CAMK1D: variants seen among roughly 807,000 people sequenced by gnomAD.
CAMK1D encodes the protein calcium/calmodulin-dependent protein kinase type 1D.
A neutral mutation model predicts 47.7 loss-of-function variants in CAMK1D; 9 were observed. The observed-to-expected ratio is 0.19, with a 90% CI of 0.11 to 0.33. CAMK1D has a LOEUF of 0.33. Among genes scored for constraint, CAMK1D ranks in the 10% least tolerant of loss-of-function variants. CAMK1D has a pLI of 1.00. For missense variants in CAMK1D, 291 were observed against 488.7 expected, an observed-to-expected ratio of 0.60 and a Z score of 3.81; for synonymous variants, 184 against 184.9, an observed-to-expected ratio of 0.99 and a Z score of 0.04.
At chr10:12,616,780 G>C (rs1838837818) in intron 2 of CAMK1D, among the ~76,000 whole-genome samples, 1 of 152,174 alleles carries the variant, frequency 6.6e-6, no homozygotes, top group Non-Finnish European at 1.5e-5. Context: ...GCCTCCCAAA[G>C]TGCTGAGATG....
At chr10:12,734,099 G>A (rs537359642) in intron 3 of CAMK1D, among the ~76,000 whole-genome samples, 11 of 151,528 alleles carry the variant, frequency 7.3e-5, no homozygotes, top group South Asian at 6.3e-4. Flanking sequence ...AGTCCGAGGC[G>A]CGTGGATCAC....
rs142486858 is a variant in CAMK1D at position 12,820,101 on chromosome 10, G to A, written c.833+3773G>A. On this transcript the variant is annotated intron_variant, in intron 8 of 10. Transcript: ENST00000619168. Reference sequence around the variant, plus strand: ...TGTCGCCAGGCTAGAGTGCGGTGGCGCGATCTCGGCTCACTGCAACCTCCG... The same window carrying A: ...TGTCGCCAGGCTAGAGTGCGGTGGCACGATCTCGGCTCACTGCAACCTCCG... 7.9e-3 allele frequency among the ~76,000 whole-genome samples: 1,204 copies of A among 152,308 alleles called. 16 individuals are homozygous for A. Among genetic ancestry groups the A allele is most frequent in the African/African-American group, 0.027 (1,126 of 41,560 alleles).
At chr10:12,558,316 G>A (rs1836828891) in intron 2 of CAMK1D, among the ~76,000 whole-genome samples, 1 of 152,224 alleles carries the variant, frequency 6.6e-6, no homozygotes, top group South Asian at 2.1e-4. Context: ...CACTTTGGGA[G>A]GCTGCTGTGG....
At chr10:12,361,325 C>T (rs996494394) in intron 1 of CAMK1D, among the ~76,000 whole-genome samples, 8 of 146,610 alleles carry the variant, frequency 5.5e-5, no homozygotes, top group African/African-American at 2.0e-4. Flanking sequence ...TGGCTCACTG[C>T]AATCTCTGCC....
intron 1 of CAMK1D, among the ~76,000 whole-genome samples, chr10:12,470,857 G>A (rs1833724385): frequency 6.6e-6 from 1 of 152,140 alleles, no homozygotes; most frequent in Non-Finnish European, 1.5e-5. Context: ...GGCTTGAGGT[G>A]TGCTTATGGC....
chr10:12,763,098 A>C (rs998996726), intron 4 of CAMK1D, among the ~76,000 whole-genome samples: 6 of 152,188 alleles, frequency 3.9e-5, no homozygotes, highest in Admixed American at 2.6e-4. Flanking sequence ...CTTTTGGAGG[A>C]ATCTTTGCAG....
At chr10:12,486,892 C>G (rs1016188685) in intron 1 of CAMK1D, among the ~76,000 whole-genome samples, 15 of 152,068 alleles carry the variant, frequency 9.9e-5, no homozygotes, top group Non-Finnish European at 1.6e-4. Context: ...GAGCCATGAT[C>G]GCACCACTAC....
intron 3 of CAMK1D, among the ~76,000 whole-genome samples, chr10:12,754,768 A>G (rs75540249): frequency 0.22 from 32,957 of 152,068 alleles, 3,657 homozygotes; most frequent in East Asian, 0.3. Context: ...CCTTGTGTGC[A>G]TGGAATTCCC....
At chr10:12,350,254 C>T (rs1398092373) in intron 1 of CAMK1D, among the ~76,000 whole-genome samples, 1 of 152,258 alleles carries the variant, frequency 6.6e-6, no homozygotes, top group Admixed American at 6.5e-5. Context: ...TGGCTGTTTA[C>T]CGGCTGTGTG....
intron 3 of CAMK1D, among the ~76,000 whole-genome samples, chr10:12,678,096 A>G (rs1210127553): frequency 6.6e-6 from 1 of 152,070 alleles, no homozygotes; most frequent in African/African-American, 2.4e-5. Context: ...TTGCCAGTAC[A>G]TAATCATGTT....
chr10:12,423,947 T>A (rs1840140659), intron 1 of CAMK1D, among the ~76,000 whole-genome samples: 3 of 152,206 alleles, frequency 2.0e-5, no homozygotes, highest in Admixed American at 1.3e-4. Flanking sequence ...GGGCAGGGTC[T>A]TGAGCTGCGT....
intron 1 of CAMK1D, among the ~76,000 whole-genome samples, chr10:12,421,481 T>C (rs7069991): frequency 0.034 from 5,065 of 146,894 alleles, 85 homozygotes; most frequent in East Asian, 0.049. Flanking sequence ...ACTGTCTCCC[T>C]TGGTCATGCT....
chr10:12,529,945 G>C (rs1835751395), intron 1 of CAMK1D, among the ~76,000 whole-genome samples: 1 of 152,032 alleles, frequency 6.6e-6, no homozygotes, highest in African/African-American at 2.4e-5. Flanking sequence ...GCTTTGTGGA[G>C]GTAAGGCTTT....
chr10:12,694,139 TAATATAA>T (rs1450836916), intron 3 of CAMK1D, among the ~76,000 whole-genome samples: 13,319 of 22,708 alleles, frequency 0.59, 5,433 homozygotes, highest in Middle Eastern at 0.86. Context: ...ATATTATATA[TAATATAA>T]TATATAATAT....
At chr10:12,449,818 G>C (rs1005489008) in intron 1 of CAMK1D, among the ~76,000 whole-genome samples, 14 of 152,182 alleles carry the variant, frequency 9.2e-5, no homozygotes, top group African/African-American at 3.4e-4. Context: ...GGCCAACATG[G>C]CGAAACCCCA....
intron 1 of CAMK1D, among the ~76,000 whole-genome samples, chr10:12,513,512 C>A (rs1077273): frequency 0.21 from 31,499 of 151,962 alleles, 3,463 homozygotes; most frequent in African/African-American, 0.26. Flanking sequence ...TTAGGCCGGG[C>A]GTGGTGATTC....
intron 1 of CAMK1D, among the ~76,000 whole-genome samples, chr10:12,524,962 G>T (rs974370562): frequency 2.0e-5 from 3 of 151,988 alleles, no homozygotes; most frequent in Non-Finnish European, 4.4e-5. Flanking sequence ...CACTGAGAAT[G>T]TCTTTATTTC....
chr10:12,687,478 G>A (rs1249494752), intron 3 of CAMK1D, among the ~76,000 whole-genome samples: 1 of 152,164 alleles, frequency 6.6e-6, no homozygotes, highest in Non-Finnish European at 1.5e-5. Flanking sequence ...GAGCTGACGA[G>A]CTCCTAATTT....
intron 6 of CAMK1D, among the ~76,000 whole-genome samples, chr10:12,797,172 C>G (rs1353759981): frequency 6.7e-6 from 1 of 149,826 alleles, no homozygotes; most frequent in Non-Finnish European, 1.5e-5. Context: ...TTTCTCTTGG[C>G]TGGGTAGCAC....
Sources: gnomAD v4.1 joint callset for allele counts (sites outside exome capture counted in the v4.1 genomes callset) on GRCh38, gnomAD v4.1.1 for gene constraint, MANE v1.5 for transcripts, NCBI Gene and HGNC (gene_info 2026-07-23, HGNC 2026-07-21) for gene names.